The following KCNMB2 variants were observed in gnomAD, a reference collection of about 807,000 sequenced individuals.
The protein encoded by KCNMB2 is potassium calcium-activated channel subfamily M regulatory beta subunit 2.
KCNMB2 carries 9 observed loss-of-function variants against 24.5 expected under a neutral mutation model. That is an observed-to-expected ratio of 0.37 (90% confidence interval 0.22 to 0.64). The LOEUF (loss-of-function observed/expected upper bound fraction) is 0.64, where lower values mean the gene tolerates loss of function less well. Ranked by LOEUF, KCNMB2 falls within the 30% of genes least tolerant of loss-of-function variation. The probability of loss-of-function intolerance (pLI) is 0.63; values close to 1 mark genes in which losing one functional copy is unlikely to be tolerated. For synonymous variants in KCNMB2, 109 were observed against 104.4 expected (o/e 1.04, Z -0.27); for missense variants, 226 against 284.3 (o/e 0.79, Z 1.47).
At chr3:178,773,081 A>C (rs1441312726) in intron 1 of KCNMB2, among the ~76,000 whole-genome samples, 1 of 152,098 alleles carries the variant, frequency 6.6e-6, no homozygotes, top group African/African-American at 2.4e-5. Flanking sequence ...TTGGAAGGGG[A>C]AACCTGGCAT....
intron 1 of KCNMB2, among the ~76,000 whole-genome samples, chr3:178,759,651 A>ATATCTCTC (rs1560009387): frequency 9.7e-6 from 1 of 102,746 alleles, no homozygotes; most frequent in African/African-American, 3.6e-5. Flanking sequence ...ATATATATAT[A>ATATCTCTC]TCTCCAAGAG....
intron 1 of KCNMB2, among the ~76,000 whole-genome samples, chr3:178,718,495 C>T (rs539690282): frequency 6.6e-6 from 1 of 152,330 alleles, no homozygotes; most frequent in South Asian, 2.1e-4. Context: ...CTTCGTGTTC[C>T]CCCACTCTGG....
chr3:178,650,899 G>A (rs1330496631), intron 1 of KCNMB2, among the ~76,000 whole-genome samples: 2 of 152,118 alleles, frequency 1.3e-5, no homozygotes, highest in Non-Finnish European at 2.9e-5. Context: ...AGGTATTGAT[G>A]GAACGTATCT....
intron 1 of KCNMB2, among the ~76,000 whole-genome samples, chr3:178,555,216 C>G (rs1303063033): frequency 6.6e-6 from 1 of 152,220 alleles, no homozygotes; most frequent in Admixed American, 6.5e-5. Flanking sequence ...GAACATCTTA[C>G]TCTTTCTCAA....
rs1553771364 is a variant in KCNMB2 at position 178,730,411 on chromosome 3, C to CA, written c.-67-76932_-67-76931insA. ...GTCACTACTGTCCCCCAACACCCCC[C>CA]CACACACACACACACACACAAACAC... is the stretch of plus-strand genomic sequence containing the variant. On this transcript the variant is annotated intron_variant, in intron 1 of 4. Coordinates refer to ENST00000452583, the MANE Select transcript of KCNMB2 (RefSeq NM_181361.3). Among the ~76,000 whole-genome samples the CA allele has an allele frequency of 1.6e-3, 235 of 142,898 alleles. 10 individuals are homozygous for CA. Among genetic ancestry groups the CA allele is most frequent in the African/African-American group, 4.7e-3 (180 of 38,124 alleles). The allele number at this position is 142,898 out of a possible 152,430, so 93.7% of individuals were successfully genotyped here. A position where few individuals can be genotyped will look rare whatever the true frequency, so the allele number is the denominator to read the frequency against.
chr3:178,714,644 A>G (rs1439570586), intron 1 of KCNMB2, among the ~76,000 whole-genome samples: 2 of 152,224 alleles, frequency 1.3e-5, no homozygotes, highest in African/African-American at 2.4e-5. Flanking sequence ...TGCAATAATA[A>G]TGAGAAGACT....
intron 1 of KCNMB2, among the ~76,000 whole-genome samples, chr3:178,641,802 G>T (rs1042329299): frequency 1.7e-4 from 26 of 151,984 alleles, no homozygotes; most frequent in African/African-American, 6.3e-4. Context: ...TTCTGTACAT[G>T]TTCTTTTCAA....
At chr3:178,830,067 C>T (rs976513516) in intron 4 of KCNMB2, among the ~76,000 whole-genome samples, 5 of 152,160 alleles carry the variant, frequency 3.3e-5, no homozygotes, top group Non-Finnish European at 5.9e-5. Context: ...CAGGCTCTGC[C>T]TCCACCAAAG....
chr3:178,662,608 T>C (rs1331565399), intron 1 of KCNMB2, among the ~76,000 whole-genome samples: 2 of 152,178 alleles, frequency 1.3e-5, no homozygotes, highest in African/African-American at 4.8e-5. Context: ...GTCAAGGATA[T>C]CATTTAATTT....
At chr3:178,730,770 G>C in intron 1 of KCNMB2, among the ~76,000 whole-genome samples, 1 of 152,112 alleles carries the variant, frequency 6.6e-6, no homozygotes, top group Non-Finnish European at 1.5e-5. Context: ...TAGACCCTTT[G>C]CATCAAGCCT....
intron 1 of KCNMB2, among the ~76,000 whole-genome samples, chr3:178,712,038 G>GAGTATCCAATTCTGTATT (rs1722470960): frequency 6.6e-6 from 1 of 152,152 alleles, no homozygotes; most frequent in African/African-American, 2.4e-5. Flanking sequence ...TGTGAGTAGG[G>GAGTATCCAATTCTGTATT]AGTATCCAAT....
intron 1 of KCNMB2, among the ~76,000 whole-genome samples, chr3:178,600,970 T>C (rs1204884500): frequency 6.6e-6 from 1 of 152,044 alleles, no homozygotes; most frequent in South Asian, 2.1e-4. Context: ...ATAGACTAGA[T>C]AAAGAAAATG....
intron 1 of KCNMB2, among the ~76,000 whole-genome samples, chr3:178,758,173 T>C (rs1724255931): frequency 1.2e-5 from 1 of 80,564 alleles, no homozygotes; most frequent in African/African-American, 4.9e-5. Context: ...AGGATATATA[T>C]ATATATATCC....
chr3:178,784,265 T>C (rs192863952), intron 1 of KCNMB2, among the ~76,000 whole-genome samples: 115 of 152,310 alleles, frequency 7.6e-4, no homozygotes, highest in Non-Finnish European at 1.4e-3. Context: ...GAGGTAGCTA[T>C]TACAACCTTC....
At chr3:178,802,457 C>G (rs1466725245) in intron 1 of KCNMB2, among the ~76,000 whole-genome samples, 1 of 152,116 alleles carries the variant, frequency 6.6e-6, no homozygotes, top group African/African-American at 2.4e-5. Flanking sequence ...GCAGCTGTCA[C>G]CTTGAGGCCT....
chr3:178,751,173 T>C lies in KCNMB2; in HGVS notation c.-67-56170T>C, dbSNP rs755943246. ...TATTGATGTTATGTTTCAGGCATTA[T>C]ACTCTGCAAGACTGAGGCTTTCTTT... is the stretch of plus-strand genomic sequence containing the variant. On this transcript the variant is annotated intron_variant, in intron 1 of 4. Transcript: ENST00000452583. 4.3e-4 allele frequency among the ~76,000 whole-genome samples: 65 copies of C among 152,324 alleles called. 2 individuals carry two copies. The highest frequency in any genetic ancestry group is 3.4e-3 in the Middle Eastern group (1 of 294).
chr3:178,731,749 C>G (rs534173216), intron 1 of KCNMB2, among the ~76,000 whole-genome samples: 1 of 152,176 alleles, frequency 6.6e-6, no homozygotes, highest in Non-Finnish European at 1.5e-5. Context: ...AATAAAAATA[C>G]AAAATGAGCC....
intron 1 of KCNMB2, among the ~76,000 whole-genome samples, chr3:178,732,843 C>CA (rs1042655097): frequency 1.3e-5 from 2 of 152,146 alleles, no homozygotes; most frequent in Admixed American, 1.3e-4. Flanking sequence ...CTCGCTGGCT[C>CA]AGTGTTCACA....
At chr3:178,788,861 T>A (rs924577750) in intron 1 of KCNMB2, among the ~76,000 whole-genome samples, 8 of 152,198 alleles carry the variant, frequency 5.3e-5, no homozygotes, top group African/African-American at 1.4e-4. Flanking sequence ...TAGACCAAAG[T>A]TCTATAAGAG....
Sources: allele counts gnomAD v4.1 joint callset (sites outside exome capture counted in the v4.1 genomes callset), GRCh38; gene constraint gnomAD v4.1.1; transcripts MANE v1.5; gene names NCBI Gene and HGNC (gene_info 2026-07-23, HGNC 2026-07-21).